The following OSBPL5 variants were observed in gnomAD, a reference collection of about 807,000 sequenced individuals.
OSBPL5 encodes the protein oxysterol binding protein like 5, also known as oxysterol-binding protein-related protein 5.
In OSBPL5, 71 loss-of-function variants were observed where a neutral mutation model predicts 111.2. The ratio of observed to expected loss-of-function variants is 0.64; its 90% CI spans 0.53 to 0.78. OSBPL5 has a LOEUF of 0.78. Among genes scored for constraint, OSBPL5 ranks in the 30% least tolerant of loss-of-function variants. OSBPL5 has a pLI of 0.00. For synonymous variants in OSBPL5, 549 were observed against 513.9 expected (o/e 1.07, Z -0.93); for missense variants, 1,210 against 1,189.3 (o/e 1.02, Z -0.26).
At position 3,121,950 on chromosome 11, in the gene OSBPL5, G is replaced by A. The variant is rs1421769233; in HGVS notation, c.402+47C>T. On this transcript the variant is annotated intron_variant, in intron 5 of 21. Coordinates refer to ENST00000263650, the MANE Select transcript of OSBPL5 (RefSeq NM_020896.4). This position sits in a 1 kb window ranked among gnomAD's most constrained non-coding sequence, Gnocchi z 4.3. ...TTTATGGTCCTTTGTTATGGCAGCA[G>A]CACGCTGACCCGTGTCCTGGGTGGC... 5 of 1,489,022 alleles carry A rather than the reference G, an allele frequency of 3.4e-6. No homozygotes were observed. Among genetic ancestry groups the A allele is most frequent in the Non-Finnish European group, 3.6e-6 (4 of 1,102,782 alleles). 92.2% of individuals were successfully genotyped at this position (1,489,022 alleles called of 1,614,324 possible). A position where few individuals can be genotyped will look rare whatever the true frequency, so the allele number is the denominator to read the frequency against.
rs4758527 is a variant in OSBPL5 at position 3,113,309 on chromosome 11, G to A, written c.692-5364C>T. ...CATACTTATCCCTGCCAAATACCATGAGGTGTCAAAATTTGGCATAGGAGT... is the reference window on the plus strand; with the variant it reads ...CATACTTATCCCTGCCAAATACCATAAGGTGTCAAAATTTGGCATAGGAGT... On this transcript the variant is annotated intron_variant, in intron 7 of 21. Transcript: ENST00000263650. This position sits in a 1 kb window ranked among gnomAD's most constrained non-coding sequence, Gnocchi z 4.8. Among the ~76,000 whole-genome samples, 127,542 of 152,192 alleles carry A rather than the reference G, an allele frequency of 0.84. 53,729 individuals are homozygous for A. Among genetic ancestry groups the A allele is most frequent in the African/African-American group, 0.93 (38,682 of 41,540 alleles).
At position 3,121,570 on chromosome 11, in the gene OSBPL5, G is replaced by A. The variant is rs1022287808; in HGVS notation, c.402+427C>T. Among the ~76,000 whole-genome samples the A allele has an allele frequency of 2.0e-5, 3 of 152,120 alleles. No homozygotes were observed. The highest frequency in any genetic ancestry group is 7.2e-5 in the African/African-American group (3 of 41,406). On this transcript the variant is annotated intron_variant, in intron 5 of 21. Coordinates refer to ENST00000263650, the MANE Select transcript of OSBPL5 (RefSeq NM_020896.4). The surrounding 1 kb of genome is among the most constrained non-coding windows in gnomAD (Gnocchi z 4.3). The stretch of plus-strand genomic sequence containing the variant: ...CAGTTTTACCTCCACTGTACACAAG[G>A]GGAAATGGAGGCTCAGAGGCGAGTG...
At chr11:3,090,868 C>CTA in intron 19 of OSBPL5, 172 bp from the exon 20 acceptor site, 1 of 801,274 alleles carries the variant, frequency 1.2e-6, no homozygotes, top group Non-Finnish European at 1.9e-6. Flanking sequence ...CCCGGCATGG[C>CTA]CTGGAGTAGC....
intron 10 of OSBPL5, among the ~76,000 whole-genome samples, chr11:3,103,975 T>C (rs544372741): frequency 2.7e-3 from 401 of 151,064 alleles, no homozygotes; most frequent in African/African-American, 9.2e-3. Flanking sequence ...GGCAAGTGCT[T>C]GGGACTGACC....
intron 10 of OSBPL5, 92 bp from the exon 11 acceptor site, chr11:3,103,412 C>A: frequency 8.4e-7 from 1 of 1,192,524 alleles, no homozygotes; most frequent in East Asian, 2.6e-5. Flanking sequence ...ATCCCGACCT[C>A]CAACCACTCA....
intron 1 of OSBPL5, among the ~76,000 whole-genome samples, chr11:3,152,672 C>T (rs759385095): frequency 2.6e-5 from 4 of 152,198 alleles, no homozygotes; most frequent in African/African-American, 4.8e-5. Flanking sequence ...GAAAGGGCAC[C>T]TAAGCGTGAA....
At chr11:3,163,143 G>A (rs1008165928) in intron 1 of OSBPL5, among the ~76,000 whole-genome samples, 1 of 152,200 alleles carries the variant, frequency 6.6e-6, no homozygotes, top group African/African-American at 2.4e-5. Flanking sequence ...GGCCTCTCCG[G>A]GAGAACCCTG....
intron 2 of OSBPL5, among the ~76,000 whole-genome samples, chr11:3,127,122 G>C (rs1321171175): frequency 6.6e-6 from 1 of 152,216 alleles, no homozygotes; most frequent in East Asian, 1.9e-4. Context: ...CCCCGGCTCT[G>C]TTTGCTTTGG....
chr11:3,093,358 C>T (rs1419732244), intron 17 of OSBPL5, 169 bp downstream of exon 17: 1 of 1,103,732 alleles, frequency 9.1e-7, no homozygotes. Context: ...CCCTTCCCTC[C>T]ATCTGTCCTT....
rs574177127 is a variant in OSBPL5 at position 3,101,757 on chromosome 11, G to A, written c.1426-58C>T. 520 of 1,431,250 alleles carry A rather than the reference G, an allele frequency of 3.6e-4. 1 individual carries two copies. Among genetic ancestry groups the A allele is most frequent in the Non-Finnish European group, 4.9e-4 (502 of 1,025,082 alleles). The allele number at this position is 1,431,250 out of a possible 1,614,324, so 88.7% of individuals were successfully genotyped here. ...CCGGAAACAGGTAATCCCAGGAAGC[G>A]AGAGCCCAGCTTCCCCCAAAAAACC... is the stretch of plus-strand genomic sequence containing the variant. On this transcript the variant is annotated intron_variant, in intron 12 of 21. Transcript: ENST00000263650.
In OSBPL5 at chr11:3,087,747, T is replaced by G. The variant is rs1253085972; in HGVS notation, c.*458A>C. 1 of 153,856 alleles carries G rather than the reference T, an allele frequency of 6.5e-6. No homozygotes were observed. The highest frequency in any genetic ancestry group is 1.4e-5 in the Non-Finnish European group (1 of 69,242). 9.5% of individuals were successfully genotyped at this position (153,856 alleles called of 1,614,324 possible). A position where few individuals can be genotyped will look rare whatever the true frequency, so the allele number is the denominator to read the frequency against. ...TGGTCCCGGCAATGTGGACAGGGTC[T>G]CCGGAAGGCAGGCCTATGCATCTGT... is the stretch of plus-strand genomic sequence containing the variant. On this transcript the variant is annotated 3_prime_UTR_variant, in exon 22 of 22. Coordinates refer to ENST00000263650, the MANE Select transcript of OSBPL5 (RefSeq NM_020896.4).
intron 1 of OSBPL5, among the ~76,000 whole-genome samples, chr11:3,138,890 T>G (rs771701940): frequency 6.6e-6 from 1 of 152,222 alleles, no homozygotes; most frequent in African/African-American, 2.4e-5. Flanking sequence ...ATCCTCCTAA[T>G]TCCAGGGCAG....
Position 3,148,409 on chromosome 11 carries a change from C to T in OSBPL5, c.-22+16807G>A, listed in dbSNP as rs74049016. On this transcript the variant is annotated intron_variant, in intron 1 of 21. Transcript: ENST00000263650. ...GAGAGGAAGTGCCCCTCCCATGACA[C>T]GTACTTTGCCCCCCACACCTTCCTG... 2.9e-3 allele frequency among the ~76,000 whole-genome samples: 437 copies of T among 152,332 alleles called. 4 individuals are homozygous for T. The highest frequency in any genetic ancestry group is 1.0e-2 in the African/African-American group (415 of 41,570).
chr11:3,130,287 T>G lies in OSBPL5; in HGVS notation c.-21-1118A>C, dbSNP rs967854137. 6.6e-6 allele frequency among the ~76,000 whole-genome samples: 1 copy of G among 152,226 alleles called. No homozygotes were observed. The highest frequency in any genetic ancestry group is 1.5e-5 in the Non-Finnish European group (1 of 68,034). ...GGGCGAGCTCCTTAAAAACTACTGG[T>G]CAATTTTCCTCCTTTCCCAATTTTC... On this transcript the variant is annotated intron_variant, in intron 1 of 21. Coordinates refer to ENST00000263650, the MANE Select transcript of OSBPL5 (RefSeq NM_020896.4). The surrounding 1 kb of genome is among the most constrained non-coding windows in gnomAD (Gnocchi z 4.5).
Position 3,121,233 on chromosome 11 carries a change from T to G in OSBPL5, c.403-609A>C, listed in dbSNP as rs1858405818. On this transcript the variant is annotated intron_variant, in intron 5 of 21. Coordinates refer to ENST00000263650, the MANE Select transcript of OSBPL5 (RefSeq NM_020896.4). This position sits in a 1 kb window ranked among gnomAD's most constrained non-coding sequence, Gnocchi z 4.3. ...CCACCATGCCTGGCTAATTTCTGTA[T>G]TTTTAGTAGAGACGGGGTTTTGCCA... Among the ~76,000 whole-genome samples, 1 of 151,976 alleles carries G rather than the reference T, an allele frequency of 6.6e-6. No homozygotes were observed. Among genetic ancestry groups the G allele is most frequent in the East Asian group, 1.9e-4 (1 of 5,182 alleles).
At position 3,126,330 on chromosome 11, in the gene OSBPL5, G is replaced by T; in HGVS notation, c.219+143C>A. 1 of 694,626 alleles carries T rather than the reference G, an allele frequency of 1.4e-6. No homozygotes were observed. The highest frequency in any genetic ancestry group is 2.3e-6 in the Non-Finnish European group (1 of 436,770). 43.0% of individuals were successfully genotyped at this position (694,626 alleles called of 1,614,324 possible). A position where few individuals can be genotyped will look rare whatever the true frequency, so the allele number is the denominator to read the frequency against. On this transcript the variant is annotated intron_variant, in intron 3 of 21. Coordinates refer to ENST00000263650, the MANE Select transcript of OSBPL5 (RefSeq NM_020896.4). The surrounding 1 kb of genome is among the most constrained non-coding windows in gnomAD (Gnocchi z 6.5). ...CCAGCAGCCCTCCCGGAGCAGCACA[G>T]TCTAGGATTGGGAGCTGTTTCCCCC...
Position 3,130,072 on chromosome 11 carries a change from G to A in OSBPL5, c.-21-903C>T, listed in dbSNP as rs1858773770. 1.3e-5 allele frequency among the ~76,000 whole-genome samples: 2 copies of A among 152,242 alleles called. No individual in the cohort carries two copies. The highest frequency in any genetic ancestry group is 1.3e-4 in the Admixed American group (2 of 15,290). ...ACCTAGTAGTGCTGGGCCAAGCAGA[G>A]GGTAACTGATTGCAGTCACGCCTTT... On this transcript the variant is annotated intron_variant, in intron 1 of 21. Transcript: ENST00000263650. The surrounding 1 kb of genome is among the most constrained non-coding windows in gnomAD (Gnocchi z 4.5).
At chr11:3,112,889 G>A in intron 7 of OSBPL5, among the ~76,000 whole-genome samples, 1 of 152,068 alleles carries the variant, frequency 6.6e-6, no homozygotes, top group East Asian at 1.9e-4. Context: ...GCAAATTTAA[G>A]GCTATTTAGC....
chr11:3,131,992 C>T, intron 1 of OSBPL5, among the ~76,000 whole-genome samples: 1 of 70,088 alleles, frequency 1.4e-5, no homozygotes, highest in African/African-American at 6.2e-5. Flanking sequence ...CATCCACCCA[C>T]CCTCCCTCCC....
Sources: gnomAD v4.1 joint callset for allele counts (sites outside exome capture counted in the v4.1 genomes callset) on GRCh38, gnomAD v4.1.1 for gene constraint, Gnocchi (gnomAD v3.1) non-coding constraint, MANE v1.5 for transcripts, NCBI Gene and HGNC (gene_info 2026-07-23, HGNC 2026-07-21) for gene names.